Variants in CAPN7 observed in about 807,000 individuals in gnomAD.
The protein encoded by CAPN7 is calpain 7, also known as calpain-7.
A neutral mutation model predicts 115.2 loss-of-function variants in CAPN7; 72 were observed. The ratio of observed to expected loss-of-function variants is 0.63; its 90% confidence interval spans 0.52 to 0.76. The LOEUF (loss-of-function observed/expected upper bound fraction) is 0.76. Ranked by LOEUF, CAPN7 falls within the 30% of genes least tolerant of loss-of-function variation. The pLI is 0.00. For synonymous variants in CAPN7, 344 were observed against 322.3 expected (o/e 1.07, Z -0.72); for missense variants, 905 against 971.5 (o/e 0.93, Z 0.91).
At position 15,229,107 on chromosome 3, in the gene CAPN7, C is replaced by T. The variant is rs1217612703; in HGVS notation, c.938+48C>T. 2.9e-6 allele frequency: 4 copies of T among 1,367,614 alleles called. No individual in the cohort carries two copies. In the African/African-American group the frequency reaches 4.3e-5, roughly 15 times the overall value. 84.7% of individuals were successfully genotyped at this position (1,367,614 alleles called of 1,614,324 possible). A position where few individuals can be genotyped will look rare whatever the true frequency, so the allele number is the denominator to read the frequency against. On this transcript the variant is annotated intron_variant, in intron 8 of 20. Coordinates refer to ENST00000253693, the MANE Select transcript of CAPN7 (RefSeq NM_014296.3). ...CTCTTTTTGTGTAATTGTCCCTTAA[C>T]TAGAAATTTAAAACTTAAGCCTTAT... is the stretch of plus-strand genomic sequence containing the variant.
intron 5 of CAPN7, among the ~76,000 whole-genome samples, chr3:15,221,620 TAATC>T (rs1202442972): frequency 1.3e-5 from 2 of 152,044 alleles, no homozygotes; most frequent in Non-Finnish European, 2.9e-5. Flanking sequence ...AGACCACTCT[TAATC>T]TATGCAACTT....
At chr3:15,208,238 A>C (rs2044742040) in intron 1 of CAPN7, among the ~76,000 whole-genome samples, 1 of 135,180 alleles carries the variant, frequency 7.4e-6, no homozygotes, top group African/African-American at 2.8e-5. Context: ...AAACTGGTTT[A>C]TACTGTTTTT....
At chr3:15,209,354 G>A (rs995601439) in intron 1 of CAPN7, among the ~76,000 whole-genome samples, 2 of 151,898 alleles carry the variant, frequency 1.3e-5, no homozygotes, top group African/African-American at 2.4e-5. Context: ...ATAGTTTCAG[G>A]GTACATGTGA....
intron 14 of CAPN7, 126 bp from the exon 15 acceptor site, chr3:15,241,327 A>G (rs1056524665): frequency 1.1e-5 from 10 of 899,608 alleles, no homozygotes; most frequent in Admixed American, 2.6e-5. Context: ...GTTATGCCAA[A>G]AAAATTTAAA....
chr3:15,232,262 C>T (rs28579199), intron 9 of CAPN7: 3,730 of 354,516 alleles, frequency 0.011, 155 homozygotes, highest in African/African-American at 0.073. Flanking sequence ...CTTTTAATTT[C>T]AGTGATAGTT....
At chr3:15,215,960 C>T (rs937085081) in intron 2 of CAPN7, among the ~76,000 whole-genome samples, 1 of 152,094 alleles carries the variant, frequency 6.6e-6, no homozygotes, top group Non-Finnish European at 1.5e-5. Context: ...ATGGTGCACA[C>T]ATGTAGTCCC....
intron 6 of CAPN7, among the ~76,000 whole-genome samples, chr3:15,226,856 A>G (rs1022720795): frequency 6.9e-6 from 1 of 145,786 alleles, no homozygotes. Context: ...GCATTCTTTG[A>G]AAAAAAAAAA....
chr3:15,238,108 C>CTTTTTTTTTT (rs34203410), intron 12 of CAPN7, among the ~76,000 whole-genome samples: 3 of 58,202 alleles, frequency 5.2e-5, no homozygotes, highest in Non-Finnish European at 8.9e-5. Context: ...ATTCTGACTT[C>CTTTTTTTTTT]TTTTTTTTTT....
intron 1 of CAPN7, among the ~76,000 whole-genome samples, chr3:15,206,863 T>TG (rs2044656889): frequency 1.3e-5 from 2 of 152,228 alleles, no homozygotes; most frequent in South Asian, 4.1e-4. Flanking sequence ...TGAGCCGCTT[T>TG]GGGGGGCAGG....
At chr3:15,223,635 C>G in intron 6 of CAPN7, 74 bp downstream of exon 6, 2 of 875,578 alleles carry the variant, frequency 2.3e-6, no homozygotes, top group South Asian at 3.3e-5. Context: ...ATTTAATAGC[C>G]TTGAAATTAA....
intron 12 of CAPN7, among the ~76,000 whole-genome samples, chr3:15,238,406 G>A (rs894635964): frequency 7.9e-5 from 12 of 152,030 alleles, no homozygotes; most frequent in African/African-American, 2.2e-4. Context: ...GAGCCCCCAC[G>A]CCTGGCCAAT....
At chr3:15,206,641 G>C (rs1434644986) in intron 1 of CAPN7, 44 bp downstream of exon 1, 28 of 1,422,282 alleles carry the variant, frequency 2.0e-5, no homozygotes, top group Non-Finnish European at 2.6e-5. Flanking sequence ...CTCAGTCGGA[G>C]TGCGGCCCGG....
chr3:15,214,116 G>A (rs553038998), intron 2 of CAPN7, among the ~76,000 whole-genome samples: 190 of 152,146 alleles, frequency 1.2e-3, no homozygotes, highest in Non-Finnish European at 2.3e-3. Context: ...TCCTGACCTC[G>A]TGATCCACCC....
At chr3:15,250,819 GAAACTTCAGAAACAT>G (rs1695964360) in intron 19 of CAPN7, 97 bp from the exon 20 acceptor site, 3 of 735,630 alleles carry the variant, frequency 4.1e-6, no homozygotes, top group Non-Finnish European at 6.9e-6. Context: ...TGTTTCTACT[GAAACTTCAGAAACAT>G]AAACTTAGTA....
At position 15,210,720 on chromosome 3, in the gene CAPN7, T is replaced by C. The variant is rs565700463; in HGVS notation, c.103-1384T>C. On this transcript the variant is annotated intron_variant, in intron 1 of 20. Transcript: ENST00000253693. ...AGGTGATCCTCCCGCCTCAGCCTCC[T>C]GAGTAGCTGGGACTACTTTGTAGAG... 3.4e-6 allele frequency: 4 copies of C among 1,162,872 alleles called. No homozygotes were observed. The African/African-American group carries it at 6.4e-5, about 19-fold the overall frequency. The allele number at this position is 1,162,872 out of a possible 1,614,324, so 72.0% of individuals were successfully genotyped here. A position where few individuals can be genotyped will look rare whatever the true frequency, so the allele number is the denominator to read the frequency against.
intron 2 of CAPN7, among the ~76,000 whole-genome samples, chr3:15,213,124 A>G (rs1404486352): frequency 6.6e-6 from 1 of 152,222 alleles, no homozygotes; most frequent in African/African-American, 2.4e-5. Flanking sequence ...CATGTATTCA[A>G]AATATCATAT....
chr3:15,208,453 ATTTTTT>A (rs1218217326), intron 1 of CAPN7, among the ~76,000 whole-genome samples: 9 of 126,154 alleles, frequency 7.1e-5, no homozygotes, highest in African/African-American at 1.5e-4. Context: ...CACTTGGCTA[ATTTTTT>A]TTTTTTTTTT....
At chr3:15,237,130 A>T (rs1385580225) in intron 12 of CAPN7, among the ~76,000 whole-genome samples, 1 of 152,200 alleles carries the variant, frequency 6.6e-6, no homozygotes, top group African/African-American at 2.4e-5. Flanking sequence ...GTAATTTTTT[A>T]CTTTATAAAC....
intron 3 of CAPN7, among the ~76,000 whole-genome samples, chr3:15,218,097 A>G (rs1004488348): frequency 1.3e-5 from 2 of 152,194 alleles, no homozygotes; most frequent in African/African-American, 4.8e-5. Flanking sequence ...TGGTATCCCC[A>G]TGTCTTTCTG....
Sources: gnomAD v4.1 joint callset for allele counts (sites outside exome capture counted in the v4.1 genomes callset) on GRCh38, gnomAD v4.1.1 for gene constraint, MANE v1.5 for transcripts, NCBI Gene and HGNC (gene_info 2026-07-23, HGNC 2026-07-21) for gene names.